CACNA2D3: variants seen among roughly 807,000 people sequenced by gnomAD.
The protein encoded by CACNA2D3 is calcium voltage-gated channel auxiliary subunit alpha2delta 3.
A neutral mutation model predicts 160.6 loss-of-function variants in CACNA2D3; 60 were observed. The ratio of observed to expected loss-of-function variants is 0.37; its 90% CI spans 0.30 to 0.46. The LOEUF (loss-of-function observed/expected upper bound fraction) is 0.46. Ranked by LOEUF, CACNA2D3 falls within the 20% of genes least tolerant of loss-of-function variation. The pLI is 1.00. For synonymous variants in CACNA2D3, 558 were observed against 492.9 expected (o/e 1.13, Z -1.75); for missense variants, 1,205 against 1,365.0 (o/e 0.88, Z 1.85).
At chr3:54,440,196 A>G (rs1015120524) in intron 4 of CACNA2D3, among the ~76,000 whole-genome samples, 7 of 152,210 alleles carry the variant, frequency 4.6e-5, no homozygotes, top group Non-Finnish European at 1.0e-4. Context: ...ATGAATGGTT[A>G]TACCTACCTT....
chr3:54,674,759 A>G (rs1459959587), intron 11 of CACNA2D3, among the ~76,000 whole-genome samples: 2 of 152,210 alleles, frequency 1.3e-5, no homozygotes. Flanking sequence ...TTGAGGTCCC[A>G]ACATATGGGA....
chr3:54,476,406 C>T (rs1172056085), intron 4 of CACNA2D3, among the ~76,000 whole-genome samples: 3 of 151,650 alleles, frequency 2.0e-5, no homozygotes, highest in South Asian at 2.1e-4. Flanking sequence ...TGATTTACTC[C>T]CTTTTGATAT....
At position 54,984,426 on chromosome 3, in the gene CACNA2D3, G is replaced by A. The variant is rs144727733; in HGVS notation, c.2557-182G>A. ...GTTAGTTTTGCAAAGTAAACACCGG[G>A]GTTATCTTAACCGTGGCCTTAAAGC... On this transcript the variant is annotated intron_variant, in intron 29 of 37. Coordinates refer to ENST00000474759, the MANE Select transcript of CACNA2D3 (RefSeq NM_018398.3). 5.3e-3 allele frequency among the ~76,000 whole-genome samples: 805 copies of A among 152,172 alleles called. 5 individuals carry two copies. Among genetic ancestry groups the A allele is most frequent in the African/African-American group, 0.019 (776 of 41,504 alleles).
At position 54,642,138 on chromosome 3, in the gene CACNA2D3, C is replaced by G; in HGVS notation, c.1064C>G (p.Thr355Arg). Reference protein sequence around the residue: ...AFNILSDFNHTGQGSICSQAI... With the variant: ...AFNILSDFNHRGQGSICSQAI... ...TATTTCTTTCCCTAGTTCAACCACACGGGACAAGGAAGTATCTGCAGTCAG... is the reference window on the plus strand; with the variant it reads ...TATTTCTTTCCCTAGTTCAACCACAGGGGACAAGGAAGTATCTGCAGTCAG... Residue 355 changes from threonine to arginine, a missense_variant, in exon 11 of 38, where the codon ACG (threonine) becomes AGG (arginine). Physicochemically the swap from Thr to Arg is moderately conservative, Grantham distance 71. Coordinates refer to ENST00000474759, the MANE Select transcript of CACNA2D3 (RefSeq NM_018398.3). 1 of 1,606,280 alleles carries G rather than the reference C, an allele frequency of 6.2e-7. No homozygotes were observed. Among genetic ancestry groups the G allele is most frequent in the South Asian group, 1.1e-5 (1 of 90,062 alleles).
chr3:54,605,918 TC>T (rs1698598820), intron 9 of CACNA2D3, among the ~76,000 whole-genome samples: 1 of 152,234 alleles, frequency 6.6e-6, no homozygotes, highest in South Asian at 2.1e-4. Context: ...GAGTGACTTT[TC>T]TTCTGTAATG....
At chr3:54,224,334 T>C (rs1163085119) in intron 2 of CACNA2D3, among the ~76,000 whole-genome samples, 2 of 152,164 alleles carry the variant, frequency 1.3e-5, no homozygotes, top group African/African-American at 4.8e-5. Flanking sequence ...AAAATTACAG[T>C]ATAGTAAATA....
chr3:54,720,135 T>C (rs934963373), intron 11 of CACNA2D3, among the ~76,000 whole-genome samples: 1 of 152,118 alleles, frequency 6.6e-6, no homozygotes, highest in East Asian at 1.9e-4. Context: ...TCGATTTCTA[T>C]TCTTATTTTT....
intron 17 of CACNA2D3, among the ~76,000 whole-genome samples, chr3:54,856,279 G>T (rs1446367321): frequency 6.6e-6 from 1 of 152,192 alleles, no homozygotes; most frequent in Non-Finnish European, 1.5e-5. Context: ...AAAGTACCTG[G>T]TGTCTCGCTG....
At chr3:54,434,246 C>T (rs1700029695) in intron 4 of CACNA2D3, among the ~76,000 whole-genome samples, 1 of 152,200 alleles carries the variant, frequency 6.6e-6, no homozygotes, top group Non-Finnish European at 1.5e-5. Flanking sequence ...TTCTTCCATT[C>T]TAGTGGTGAG....
At chr3:54,503,462 C>T (rs1358045328) in intron 4 of CACNA2D3, 30 bp from the exon 5 acceptor site, 1 of 1,610,440 alleles carries the variant, frequency 6.2e-7, no homozygotes. Flanking sequence ...CCCTAAGCCA[C>T]ATGTAATGTT....
intron 35 of CACNA2D3, among the ~76,000 whole-genome samples, chr3:55,059,218 C>T (rs1263669568): frequency 2.0e-5 from 3 of 152,130 alleles, no homozygotes; most frequent in Admixed American, 6.5e-5. Flanking sequence ...CAACAATTCA[C>T]ATGGAAATTG....
chr3:54,862,395 A>G (rs1014956045), intron 17 of CACNA2D3, among the ~76,000 whole-genome samples: 3 of 151,862 alleles, frequency 2.0e-5, no homozygotes, highest in Non-Finnish European at 4.4e-5. Flanking sequence ...ACACACACAC[A>G]CACACACACG....
intron 5 of CACNA2D3, among the ~76,000 whole-genome samples, chr3:54,527,728 A>G (rs1701747371): frequency 1.3e-5 from 2 of 152,128 alleles, no homozygotes; most frequent in East Asian, 1.9e-4. Flanking sequence ...CCTGGGATGA[A>G]TGCCCTCCAA....
At chr3:54,908,996 C>G (rs1007856564) in intron 27 of CACNA2D3, among the ~76,000 whole-genome samples, 2 of 152,182 alleles carry the variant, frequency 1.3e-5, no homozygotes, top group Admixed American at 1.3e-4. Context: ...GATTTGTTCA[C>G]TCACCTATTT....
chr3:54,502,038 T>C (rs923461643), intron 4 of CACNA2D3, among the ~76,000 whole-genome samples: 5 of 152,324 alleles, frequency 3.3e-5, no homozygotes, highest in African/African-American at 1.2e-4. Context: ...TCTCCCACCC[T>C]CTTTCTGGTT....
chr3:54,894,832 C>T (rs1700151924), intron 25 of CACNA2D3: 1 of 371,172 alleles, frequency 2.7e-6, no homozygotes, highest in Non-Finnish European at 5.4e-6. Context: ...AACATTACCA[C>T]TGAATACAAG....
intron 11 of CACNA2D3, among the ~76,000 whole-genome samples, chr3:54,736,026 T>C (rs7426756): frequency 3.5e-4 from 17 of 48,966 alleles, no homozygotes; most frequent in South Asian, 1.1e-3. Flanking sequence ...TACACATACA[T>C]ATATATATGT....
intron 2 of CACNA2D3, among the ~76,000 whole-genome samples, chr3:54,172,030 C>T (rs749762066): frequency 9.2e-5 from 14 of 152,212 alleles, no homozygotes; most frequent in Non-Finnish European, 1.9e-4. Context: ...CTTATTTCCA[C>T]GGATGGCCTG....
At chr3:54,989,101 CTT>C (rs1480517645) in intron 31 of CACNA2D3, among the ~76,000 whole-genome samples, 1 of 152,218 alleles carries the variant, frequency 6.6e-6, no homozygotes, top group African/African-American at 2.4e-5. Flanking sequence ...CTTTTCCTAT[CTT>C]TATGTGGATG....
Sources: allele counts gnomAD v4.1 joint callset (sites outside exome capture counted in the v4.1 genomes callset), GRCh38; gene constraint gnomAD v4.1.1; transcripts MANE v1.5; gene names NCBI Gene and HGNC (gene_info 2026-07-23, HGNC 2026-07-21).